The following UQCRB variants were observed in gnomAD, a reference collection of about 807,000 sequenced individuals.
The protein encoded by UQCRB is cytochrome b-c1 complex subunit 7.
UQCRB carries 12 observed loss-of-function variants against 19.8 expected under a neutral mutation model. The ratio of observed to expected loss-of-function variants is 0.61; its 90% CI spans 0.39 to 0.98. UQCRB has a LOEUF of 0.98. Among genes scored for constraint, UQCRB ranks in the 50% least tolerant of loss-of-function variants. The pLI, the probability that UQCRB is intolerant of heterozygous loss-of-function variation, is 0.00. For synonymous variants in UQCRB, 39 were observed against 42.9 expected (o/e 0.91, Z 0.35); for missense variants, 142 against 131.8 (o/e 1.08, Z -0.38).
chr8:96,231,372 C>T lies in UQCRB; in HGVS notation c.259-240G>A, dbSNP rs112464633. 2,843 of 1,541,476 alleles carry T rather than the reference C, an allele frequency of 1.8e-3. 48 individuals carry two copies. The African/African-American group carries it at 0.035, about 19-fold the overall frequency. ...TCGGGAAGAAAAAGAAATGAATGTC[C>T]ACAGGCCTTTGCCTAGTTTCAATGC... is the stretch of plus-strand genomic sequence containing the variant. On this transcript the variant is annotated intron_variant, in intron 3 of 3. Coordinates refer to ENST00000287022, the MANE Select transcript of UQCRB (RefSeq NM_006294.5).
intron 3 of UQCRB, 158 bp downstream of exon 3, chr8:96,231,616 T>C (rs763974197): frequency 1.9e-5 from 26 of 1,357,558 alleles, no homozygotes; most frequent in Admixed American, 3.9e-5. Context: ...TCAATGTGGT[T>C]TTCTTCTAAA....
Position 96,229,838 on chromosome 8 carries a change from C to A in UQCRB, c.*1217G>T, listed in dbSNP as rs113695491. On this transcript the variant is annotated 3_prime_UTR_variant, in exon 4 of 4. Transcript: ENST00000287022. ...ATATTTTAGCAAAAATTTAAAGATG[C>A]TCTTTATGATACACACATTTCTCAT... 5 of 453,820 alleles carry A rather than the reference C, an allele frequency of 1.1e-5. No homozygotes were observed. Among genetic ancestry groups the A allele is most frequent in the African/African-American group, 2.0e-5 (1 of 50,038 alleles). 28.1% of individuals were successfully genotyped at this position (453,820 alleles called of 1,614,324 possible). A position where few individuals can be genotyped will look rare whatever the true frequency, so the allele number is the denominator to read the frequency against.
chr8:96,229,197 ACT>A lies in UQCRB; in HGVS notation c.*1856_*1857del, dbSNP rs1291274599. On this transcript the variant is annotated 3_prime_UTR_variant, in exon 4 of 4. Transcript: ENST00000287022. ...GGCATACACTTTGGCTTTAGGAAGA[ACT>A]CTTACAAAATCAGAGGTTGCCTTAT... The A allele has an allele frequency of 2.2e-6, 1 of 454,098 alleles. No individual in the cohort carries two copies. Among genetic ancestry groups the A allele is most frequent in the Admixed American group, 2.3e-5 (1 of 42,578 alleles). The allele number at this position is 454,098 out of a possible 1,614,324, so 28.1% of individuals were successfully genotyped here.
intron 3 of UQCRB, 24 bp downstream of exon 3, chr8:96,231,750 G>A: frequency 6.2e-7 from 1 of 1,614,002 alleles, no homozygotes; most frequent in Non-Finnish European, 8.5e-7. Context: ...GAGCAACACT[G>A]TCAGGTAGAT....
intron 1 of UQCRB, 98 bp downstream of exon 1, chr8:96,235,414 T>C (rs528286762): frequency 1.9e-5 from 30 of 1,553,164 alleles, no homozygotes; most frequent in African/African-American, 4.1e-5. Context: ...CGCGACAAAC[T>C]TGGCCACTTA....
rs181597941 is a variant in UQCRB at position 96,224,513 on chromosome 8, A to C, written c.*6542T>G. Among the ~76,000 whole-genome samples the C allele has an allele frequency of 1.2e-4, 18 of 152,260 alleles. No homozygotes were observed. Among genetic ancestry groups the C allele is most frequent in the Admixed American group, 4.6e-4 (7 of 15,292 alleles). Reference sequence around the variant, plus strand: ...CTGAATCCAGAAGGGACAAGAGTAGATTTAGAATATGCAGCACAGCCAACG... The same window carrying C: ...CTGAATCCAGAAGGGACAAGAGTAGCTTTAGAATATGCAGCACAGCCAACG... On this transcript the variant is annotated 3_prime_UTR_variant, in exon 4 of 4. Coordinates refer to ENST00000287022, the MANE Select transcript of UQCRB (RefSeq NM_006294.5).
chr8:96,231,569 CT>C (rs1223758692), intron 3 of UQCRB: 1 of 1,382,442 alleles, frequency 7.2e-7, no homozygotes, highest in Admixed American at 2.0e-5. Flanking sequence ...TAGAGACTTG[CT>C]TAGTAATTTC....
rs1448619997 is a variant in UQCRB at position 96,230,743 on chromosome 8, G to T, written c.*312C>A. ...TTTATTCAGTAGCTTCCATAAGGAT[G>T]TAACTTACGGAAGTTATATCCTTCC... On this transcript the variant is annotated 3_prime_UTR_variant, in exon 4 of 4. Transcript: ENST00000287022. 1.3e-5 allele frequency: 7 copies of T among 523,356 alleles called. No individual in the cohort carries two copies. The highest frequency in any genetic ancestry group is 2.2e-5 in the Non-Finnish European group (6 of 272,024). The allele number at this position is 523,356 out of a possible 1,614,324, so 32.4% of individuals were successfully genotyped here.
In UQCRB at chr8:96,230,181, T is replaced by C. The variant is rs566310476; in HGVS notation, c.*874A>G. On this transcript the variant is annotated 3_prime_UTR_variant, in exon 4 of 4. Transcript: ENST00000287022. ...ACCTCCACCTCCTGGGGTCAAGCAA[T>C]TCTCCTCCCTCAGCCTCCCGAGTAG... 1.3e-5 allele frequency: 6 copies of C among 452,516 alleles called. No homozygotes were observed. Among genetic ancestry groups the C allele is most frequent in the South Asian group, 9.3e-5 (6 of 64,440 alleles). The allele number at this position is 452,516 out of a possible 1,614,324, so 28.0% of individuals were successfully genotyped here. A position where few individuals can be genotyped will look rare whatever the true frequency, so the allele number is the denominator to read the frequency against.
Position 96,228,623 on chromosome 8 carries a change from CAG to C in UQCRB, c.*2430_*2431del. 2.2e-6 allele frequency: 1 copy of C among 454,090 alleles called. No homozygotes were observed. 28.1% of individuals were successfully genotyped at this position (454,090 alleles called of 1,614,324 possible). A position where few individuals can be genotyped will look rare whatever the true frequency, so the allele number is the denominator to read the frequency against. ...AATTTACATTATGCATACTATATGCCAGAAACTGTTAGTGCTTGACATGCAGT... is the reference window on the plus strand; with the variant it reads ...AATTTACATTATGCATACTATATGCCAAACTGTTAGTGCTTGACATGCAGT... On this transcript the variant is annotated 3_prime_UTR_variant, in exon 4 of 4. Coordinates refer to ENST00000287022, the MANE Select transcript of UQCRB (RefSeq NM_006294.5).
chr8:96,230,158 C>T lies in UQCRB; in HGVS notation c.*897G>A, dbSNP rs1227097470. The T allele has an allele frequency of 8.8e-6, 4 of 453,650 alleles. No homozygotes were observed. The highest frequency in any genetic ancestry group is 6.9e-5 in the East Asian group (1 of 14,404). 28.1% of individuals were successfully genotyped at this position (453,650 alleles called of 1,614,324 possible). ...TGGTGTGATCTAGGCTCACTGCAAC[C>T]TCCACCTCCTGGGGTCAAGCAATTC... On this transcript the variant is annotated 3_prime_UTR_variant, in exon 4 of 4. Coordinates refer to ENST00000287022, the MANE Select transcript of UQCRB (RefSeq NM_006294.5).
At chr8:96,235,361 A>G in intron 1 of UQCRB, 151 bp downstream of exon 1, 1 of 1,147,958 alleles carries the variant, frequency 8.7e-7, no homozygotes, top group Non-Finnish European at 1.3e-6. Context: ...ACGAGTGGGG[A>G]AGCACATCCT....
rs1361150394 is a variant in UQCRB at position 96,226,187 on chromosome 8, A to T, written c.*4868T>A. ...ATTTAAAAAATCCAGAAAATTATGTAATGAACAAGCATAAAATGGACTTTC... is the reference window on the plus strand; with the variant it reads ...ATTTAAAAAATCCAGAAAATTATGTTATGAACAAGCATAAAATGGACTTTC... On this transcript the variant is annotated 3_prime_UTR_variant, in exon 4 of 4. Coordinates refer to ENST00000287022, the MANE Select transcript of UQCRB (RefSeq NM_006294.5). 6.6e-6 allele frequency: 1 copy of T among 152,276 alleles called. No individual in the cohort carries two copies. Among genetic ancestry groups the T allele is most frequent in the Non-Finnish European group, 1.5e-5 (1 of 68,070 alleles). The allele number at this position is 152,276 out of a possible 1,614,324, so 9.4% of individuals were successfully genotyped here. A position where few individuals can be genotyped will look rare whatever the true frequency, so the allele number is the denominator to read the frequency against.
chr8:96,233,308 T>C, intron 1 of UQCRB, 81 bp from the exon 2 acceptor site: 9 of 1,303,960 alleles, frequency 6.9e-6, no homozygotes, highest in Non-Finnish European at 1.0e-5. Flanking sequence ...CAGTACTCAG[T>C]TATCTTGCTG....
rs1809530286 is a variant in UQCRB at position 96,226,602 on chromosome 8, A to G, written c.*4453T>C. The G allele has an allele frequency of 4.4e-5, 11 of 247,994 alleles. No individual in the cohort carries two copies. In the South Asian group the frequency reaches 4.8e-4, roughly 11 times the overall value. The allele number at this position is 247,994 out of a possible 1,614,324, so 15.4% of individuals were successfully genotyped here. ...TATCTTTTTTTGGTTTGGCTTGTGA[A>G]TACAATTGTCACAGATATGTATACA... On this transcript the variant is annotated 3_prime_UTR_variant, in exon 4 of 4. Transcript: ENST00000287022.
In UQCRB at chr8:96,228,643, C is replaced by T. The variant is rs1459710879; in HGVS notation, c.*2412G>A. The T allele has an allele frequency of 2.2e-6, 1 of 454,012 alleles. No homozygotes were observed. The highest frequency in any genetic ancestry group is 1.6e-5 in the South Asian group (1 of 64,484). 28.1% of individuals were successfully genotyped at this position (454,012 alleles called of 1,614,324 possible). A position where few individuals can be genotyped will look rare whatever the true frequency, so the allele number is the denominator to read the frequency against. On this transcript the variant is annotated 3_prime_UTR_variant, in exon 4 of 4. Coordinates refer to ENST00000287022, the MANE Select transcript of UQCRB (RefSeq NM_006294.5). ...TATGCCAGAAACTGTTAGTGCTTGA[C>T]ATGCAGTCAGTTAATTTTCACAACT...
chr8:96,229,125 C>T lies in UQCRB; in HGVS notation c.*1930G>A, dbSNP rs1482386705. 8.8e-6 allele frequency: 4 copies of T among 453,920 alleles called. No homozygotes were observed. The highest frequency in any genetic ancestry group is 1.8e-5 in the Non-Finnish European group (4 of 226,776). 28.1% of individuals were successfully genotyped at this position (453,920 alleles called of 1,614,324 possible). A position where few individuals can be genotyped will look rare whatever the true frequency, so the allele number is the denominator to read the frequency against. ...ATCTAGTGTTCAAAGAACTTTTGCA[C>T]ACTTGTTCTCATTTAGAAGAATGAA... On this transcript the variant is annotated 3_prime_UTR_variant, in exon 4 of 4. Coordinates refer to ENST00000287022, the MANE Select transcript of UQCRB (RefSeq NM_006294.5).
In UQCRB at chr8:96,231,810, C is replaced by A; in HGVS notation, c.222G>T (p.Gln74His). The part of the protein sequence containing the change: ...KRALDLNLKH[Q>H]ILPKEQWTKY... ...TGGTCCACTGCTCTTTAGGCAAGAT[C>A]TGATGCTTCAAGTTCAGGTCCAGTG... Residue 74 changes from glutamine (Q) to histidine (H), a missense_variant, in exon 3 of 4, where the codon CAG (glutamine) becomes CAT (histidine). Physicochemically the swap from Gln to His is conservative, Grantham distance 24. Around this residue, in one of 2 missense-constraint regions of UQCRB, gnomAD observed 132 missense variants for 107.5 expected, o/e 1.23. Transcript: ENST00000287022. The A allele has an allele frequency of 6.2e-7, 1 of 1,614,154 alleles. No individual in the cohort carries two copies. The highest frequency in any genetic ancestry group is 1.3e-5 in the African/African-American group (1 of 75,054).
chr8:96,231,650 A>G (rs748676824), intron 3 of UQCRB, 124 bp downstream of exon 3: 5 of 1,444,012 alleles, frequency 3.5e-6, no homozygotes, highest in Middle Eastern at 1.7e-4. Context: ...TTGCTTTATT[A>G]ACCTCACATA....
Sources: gnomAD v4.1 joint callset for allele counts (sites outside exome capture counted in the v4.1 genomes callset) on GRCh38, gnomAD v4.1.1 for gene constraint, gnomAD v4.1.1 regional missense constraint, MANE v1.5 for transcripts, NCBI Gene and HGNC (gene_info 2026-07-23, HGNC 2026-07-21) for gene names.